The following NAV2 variants were observed in gnomAD, a reference collection of about 807,000 sequenced individuals.
The protein encoded by NAV2 is helicase, APC down-regulated 1.
In NAV2, 54 loss-of-function variants were observed where a neutral mutation model predicts 223.2. That is an observed-to-expected ratio of 0.24 (90% CI 0.19 to 0.30). The LOEUF is 0.30. Ranked by LOEUF, NAV2 falls within the 10% of genes least tolerant of loss-of-function variation. The probability of loss-of-function intolerance (pLI) is 1.00; values close to 1 mark genes in which losing one functional copy is unlikely to be tolerated. For synonymous variants in NAV2, 1,279 were observed against 1,239.3 expected, an observed-to-expected ratio of 1.03 and a Z score of -0.67; for missense variants, 2,806 against 3,147.5, an observed-to-expected ratio of 0.89 and a Z score of 2.60.
intron 6 of NAV2, among the ~76,000 whole-genome samples, chr11:19,925,097 A>C (rs1309518171): frequency 6.6e-6 from 1 of 152,198 alleles, no homozygotes. Flanking sequence ...TCTTTTGAGA[A>C]TATTCAAGTT....
chr11:20,093,305 T>C lies in NAV2; in HGVS notation c.5916+106T>C, dbSNP rs374946920. 2.5e-3 allele frequency: 1,875 copies of C among 750,876 alleles called. 31 individuals carry two copies. The highest frequency in any genetic ancestry group is 0.021 in the South Asian group (1,328 of 63,890). The allele number at this position is 750,876 out of a possible 1,614,324, so 46.5% of individuals were successfully genotyped here. A position where few individuals can be genotyped will look rare whatever the true frequency, so the allele number is the denominator to read the frequency against. Reference sequence around the variant, plus strand: ...TCTATCACCTTGGAGCCTAAGGTGATTTGGAAATACTACTAACCCTTCTCT... The same window carrying C: ...TCTATCACCTTGGAGCCTAAGGTGACTTGGAAATACTACTAACCCTTCTCT... On this transcript the variant is annotated intron_variant, in intron 29 of 37. Coordinates refer to ENST00000349880, the MANE Select transcript of NAV2 (RefSeq NM_145117.5).
intron 1 of NAV2, among the ~76,000 whole-genome samples, chr11:19,370,176 C>A (rs1030933726): frequency 2.0e-5 from 3 of 152,174 alleles, no homozygotes; most frequent in African/African-American, 4.8e-5. Context: ...GTCACCCCTG[C>A]GACCTTTCCT....
At chr11:19,757,645 T>C (rs2054347516) in intron 1 of NAV2, among the ~76,000 whole-genome samples, 1 of 152,040 alleles carries the variant, frequency 6.6e-6, no homozygotes, top group Non-Finnish European at 1.5e-5. Context: ...CTGCATGGTG[T>C]GTGATGGGAA....
At chr11:19,670,229 C>T (rs768223045) in intron 1 of NAV2, among the ~76,000 whole-genome samples, 3 of 152,198 alleles carry the variant, frequency 2.0e-5, no homozygotes, top group Non-Finnish European at 2.9e-5. Flanking sequence ...GACATCTCTG[C>T]GTAGGCCTCA....
intron 29 of NAV2, 108 bp from the exon 30 acceptor site, chr11:20,095,564 T>TC (rs1171924152): frequency 4.0e-6 from 3 of 741,506 alleles, no homozygotes; most frequent in Admixed American, 2.0e-5. Context: ...GGACTTTTAT[T>TC]CCCCTCTCAA....
chr11:19,968,945 G>A (rs964156372), intron 10 of NAV2, among the ~76,000 whole-genome samples: 1 of 152,048 alleles, frequency 6.6e-6, no homozygotes, highest in East Asian at 1.9e-4. Context: ...CCGCAGGCTG[G>A]CTGGGTTGCC....
At chr11:19,349,324 T>TCTCCTC (rs376664908), upstream of NAV2, among the ~76,000 whole-genome samples, 35 of 151,784 alleles carry the variant, frequency 2.3e-4, no homozygotes, top group African/African-American at 8.2e-4. Flanking sequence ...TGCTAGTCCT[T>TCTCCTC]CTCCTCCTCC....
chr11:19,902,575 C>G (rs1287533054), intron 6 of NAV2, among the ~76,000 whole-genome samples: 1 of 152,134 alleles, frequency 6.6e-6, no homozygotes, highest in African/African-American at 2.4e-5. Flanking sequence ...TTGAAAATGA[C>G]TAGTTGATGT....
At chr11:19,854,325 G>A (rs987977782) in intron 3 of NAV2, among the ~76,000 whole-genome samples, 2 of 152,192 alleles carry the variant, frequency 1.3e-5, no homozygotes, top group African/African-American at 4.8e-5. Flanking sequence ...TTGGAAACTG[G>A]TCAGGTCAGT....
intron 1 of NAV2, among the ~76,000 whole-genome samples, chr11:19,541,988 G>T (rs1590460495): frequency 6.6e-6 from 1 of 152,152 alleles, no homozygotes; most frequent in Non-Finnish European, 1.5e-5. Flanking sequence ...CTGCACTGAT[G>T]AGTCAGTGTC....
At chr11:19,432,796 G>A (rs944511314) in intron 1 of NAV2, among the ~76,000 whole-genome samples, 1 of 152,178 alleles carries the variant, frequency 6.6e-6, no homozygotes, top group Non-Finnish European at 1.5e-5. Context: ...TGAGGCCCAG[G>A]TTCTTGTGTT....
chr11:19,776,620 GGGGGTCAGAAAA>G, intron 1 of NAV2, among the ~76,000 whole-genome samples: 17 of 135,662 alleles, frequency 1.3e-4, no homozygotes, highest in African/African-American at 4.5e-4. Context: ...TTAGAGTTGT[GGGGGTCAGAAAA>G]TGTGTGTGTG....
At chr11:20,009,484 A>G (rs1172477129) in intron 11 of NAV2, among the ~76,000 whole-genome samples, 1 of 152,192 alleles carries the variant, frequency 6.6e-6, no homozygotes, top group Non-Finnish European at 1.5e-5. Flanking sequence ...TGGACATCAT[A>G]ATTTTTAAAA....
At chr11:19,953,214 A>T (rs1008041549) in intron 10 of NAV2, among the ~76,000 whole-genome samples, 1 of 152,220 alleles carries the variant, frequency 6.6e-6, no homozygotes, top group Non-Finnish European at 1.5e-5. Context: ...ATGGACAAAA[A>T]AATGACCCTT....
chr11:19,346,283 C>T (rs1451536602), upstream of NAV2, among the ~76,000 whole-genome samples: 2 of 152,198 alleles, frequency 1.3e-5, no homozygotes, highest in East Asian at 1.9e-4. Flanking sequence ...TTGTGTCGGT[C>T]TGTGCCTCTT....
At chr11:19,950,089 T>C (rs1390069303) in intron 10 of NAV2, among the ~76,000 whole-genome samples, 1 of 152,220 alleles carries the variant, frequency 6.6e-6, no homozygotes, top group Non-Finnish European at 1.5e-5. Flanking sequence ...TGGGACTTCT[T>C]CCTTCATCTG....
chr11:19,644,080 G>GCACACA (rs151050783), intron 1 of NAV2, among the ~76,000 whole-genome samples: 113,292 of 151,192 alleles, frequency 0.75, 44,929 homozygotes, highest in East Asian at 0.93. Flanking sequence ...GTGTGCATGT[G>GCACACA]CACACACACA....
At chr11:19,825,097 G>A (rs897021847) in intron 1 of NAV2, among the ~76,000 whole-genome samples, 1 of 151,816 alleles carries the variant, frequency 6.6e-6, no homozygotes, top group African/African-American at 2.4e-5. Context: ...TTTGAGACTA[G>A]CCAGGCCAAC....
chr11:19,628,990 C>T (rs567554947), intron 1 of NAV2, among the ~76,000 whole-genome samples: 1 of 152,290 alleles, frequency 6.6e-6, no homozygotes, highest in South Asian at 2.1e-4. Context: ...CTATGCCCAC[C>T]TTTGTTCCAA....
Sources: gnomAD v4.1 joint callset for allele counts (sites outside exome capture counted in the v4.1 genomes callset) on GRCh38, gnomAD v4.1.1 for gene constraint, MANE v1.5 for transcripts, NCBI Gene and HGNC (gene_info 2026-07-23, HGNC 2026-07-21) for gene names.